Variants in MMUT observed in about 807,000 individuals in gnomAD.
MMUT encodes the protein methylmalonyl-CoA mutase, mitochondrial.
A neutral mutation model predicts 79.9 loss-of-function variants in MMUT; 79 were observed. The ratio of observed to expected loss-of-function variants is 0.99; its 90% CI spans 0.82 to 1.19. The LOEUF (loss-of-function observed/expected upper bound fraction) is 1.19. Ranked by LOEUF, MMUT falls within the 50% of genes most tolerant of loss-of-function variation. MMUT has a pLI of 0.00. For synonymous variants in MMUT, 273 were observed against 295.7 expected, an observed-to-expected ratio of 0.92 and a Z score of 0.79; for missense variants, 860 against 917.2, an observed-to-expected ratio of 0.94 and a Z score of 0.81.
intron 9 of MMUT, chr6:49,443,739 C>G (rs1157027311): frequency 2.4e-6 from 1 of 416,120 alleles, no homozygotes; most frequent in East Asian, 7.7e-5. Context: ...GATTTAATGT[C>G]TTCTCACAAA....
At chr6:49,443,078 CA>C (rs1767319553) in intron 9 of MMUT, among the ~76,000 whole-genome samples, 1 of 152,058 alleles carries the variant, frequency 6.6e-6, no homozygotes, top group Non-Finnish European at 1.5e-5. Flanking sequence ...CAAAAGTAAT[CA>C]TTTAATGATA....
At chr6:49,439,485 G>A (rs1016402919) in intron 11 of MMUT, among the ~76,000 whole-genome samples, 2 of 152,140 alleles carry the variant, frequency 1.3e-5, no homozygotes, top group Non-Finnish European at 2.9e-5. Context: ...AGAGTAGCTT[G>A]CACAGCAGCC....
At chr6:49,447,958 A>G (rs1271560296) in intron 7 of MMUT, among the ~76,000 whole-genome samples, 173 bp from the exon 8 acceptor site, 4 of 151,982 alleles carry the variant, frequency 2.6e-5, no homozygotes, top group Non-Finnish European at 5.9e-5. Flanking sequence ...GTGAGAGGAA[A>G]GTAGAGGTAT....
intron 6 of MMUT, among the ~76,000 whole-genome samples, chr6:49,449,960 C>T (rs936101163): frequency 6.6e-6 from 1 of 151,978 alleles, no homozygotes; most frequent in Non-Finnish European, 1.5e-5. Flanking sequence ...AGGCAGGGAG[C>T]AGTGGCTCAT....
rs779433573 is a variant in MMUT at position 49,457,706 on chromosome 6, A to T, written c.738T>A (p.Phe246Leu). The T allele has an allele frequency of 6.2e-7, 1 of 1,610,984 alleles. No homozygotes were observed. Among genetic ancestry groups the T allele is most frequent in the South Asian group, 1.1e-5 (1 of 90,632 alleles). Residue 246 changes from phenylalanine to leucine, a missense_variant, in exon 3 of 13, where the codon TTT becomes TTA. Coordinates refer to ENST00000274813, the MANE Select transcript of MMUT (RefSeq NM_000255.4). ...EPSMKIIADI[F>L]EYTAKHMPKF... ...CAAAGTATACCTTTGCTGTATATTC[A>T]AATATGTCAGCAATAATTTTCATGG...
chr6:49,448,228 A>T (rs904894105), intron 7 of MMUT, among the ~76,000 whole-genome samples: 1 of 152,072 alleles, frequency 6.6e-6, no homozygotes, highest in Admixed American at 6.6e-5. Context: ...TCCTTACATG[A>T]TAAAGAATAT....
Position 49,458,943 on chromosome 6 carries a change from T to A in MMUT, c.385+139A>T, listed in dbSNP as rs993849760. 1.5e-5 allele frequency: 13 copies of A among 864,356 alleles called. No individual in the cohort carries two copies. In the African/African-American group the frequency reaches 1.9e-4, roughly 13 times the overall value. 53.5% of individuals were successfully genotyped at this position (864,356 alleles called of 1,614,324 possible). On this transcript the variant is annotated intron_variant, in intron 2 of 12. Coordinates refer to ENST00000274813, the MANE Select transcript of MMUT (RefSeq NM_000255.4). Reference sequence around the variant, plus strand: ...TTTTTGACCACAGAAGTTAAAAAAATCCACTTTTTTCAGAGTATAGTCTTT... The same window carrying A: ...TTTTTGACCACAGAAGTTAAAAAAAACCACTTTTTTCAGAGTATAGTCTTT...
rs1767234724 is a variant in MMUT, at chr6:49,440,186, C to A, written c.1956+20G>T. ...TGACTAGTAAATACTTTTGAAATTC[C>A]CCCCAACAGTTTTTAGTACCTGGAA... On this transcript the variant is annotated intron_variant, in intron 11 of 12. Transcript: ENST00000274813. 6.2e-7 allele frequency: 1 copy of A among 1,613,568 alleles called. No homozygotes were observed. Among genetic ancestry groups the A allele is most frequent in the Non-Finnish European group, 8.5e-7 (1 of 1,179,638 alleles).
intron 3 of MMUT, among the ~76,000 whole-genome samples, chr6:49,456,638 T>C (rs1185781645): frequency 1.3e-5 from 2 of 152,168 alleles, no homozygotes; most frequent in Non-Finnish European, 2.9e-5. Flanking sequence ...GTTAATCTGC[T>C]TAAGATGTAT....
intron 6 of MMUT, among the ~76,000 whole-genome samples, chr6:49,450,215 G>GT (rs1200847062): frequency 1.4e-5 from 2 of 145,630 alleles, no homozygotes; most frequent in African/African-American, 5.1e-5. Flanking sequence ...TGGTGACAGA[G>GT]TAAGACTCTG....
chr6:49,457,494 A>G (rs1767718646), intron 3 of MMUT, among the ~76,000 whole-genome samples, 197 bp downstream of exon 3: 1 of 152,256 alleles, frequency 6.6e-6, no homozygotes, highest in African/African-American at 2.4e-5. Flanking sequence ...AAGAAAACAC[A>G]GTAAAGATCT....
chr6:49,438,024 A>G (rs1767177773), intron 11 of MMUT, among the ~76,000 whole-genome samples: 1 of 152,140 alleles, frequency 6.6e-6, no homozygotes, highest in Non-Finnish European at 1.5e-5. Flanking sequence ...CATACTATGT[A>G]CGAAATAGTA....
At position 49,456,235 on chromosome 6, in the gene MMUT, G is replaced by GT. The variant is rs751624492; in HGVS notation, c.755dup (p.His252GlnfsTer6). On this transcript the variant is annotated frameshift_variant and splice_region_variant, in exon 4 of 13. Coordinates refer to ENST00000274813, the MANE Select transcript of MMUT (RefSeq NM_000255.4). LOFTEE classifies it high-confidence loss of function. ...TTGAAATTGAATTAAATTTTGGCAT[G>GT]TGCTACATAAAAAAAAAAATTGTAA... 6.2e-7 allele frequency: 1 copy of GT among 1,604,302 alleles called. No homozygotes were observed. Among genetic ancestry groups the GT allele is most frequent in the East Asian group, 2.2e-5 (1 of 44,756 alleles).
chr6:49,452,484 C>T lies in MMUT; in HGVS notation c.1084-770G>A, dbSNP rs572067421. ...AGTAGCTGGGACTATAGGTGCCTGC[C>T]AACACACCTGGCTAATTTTTTTGTA... On this transcript the variant is annotated intron_variant, in intron 5 of 12. Transcript: ENST00000274813. Among the ~76,000 whole-genome samples, 4 of 152,172 alleles carry T rather than the reference C, an allele frequency of 2.6e-5. No homozygotes were observed. The South Asian group carries it at 6.2e-4, about 24-fold the overall frequency.
intron 1 of MMUT, 86 bp from the exon 2 acceptor site, chr6:49,459,591 A>G: frequency 9.7e-7 from 1 of 1,034,328 alleles, no homozygotes. Context: ...GAAAAGAAAG[A>G]GGATGTATTA....
rs779436906 is a variant in MMUT at position 49,430,684 on chromosome 6, A to T, written c.*1044T>A. 36 of 152,206 alleles carry T rather than the reference A, an allele frequency of 2.4e-4. No individual in the cohort carries two copies. Among genetic ancestry groups the T allele is most frequent in the Non-Finnish European group, 3.7e-4 (25 of 68,032 alleles). The allele number at this position is 152,206 out of a possible 1,614,324, so 9.4% of individuals were successfully genotyped here. A position where few individuals can be genotyped will look rare whatever the true frequency, so the allele number is the denominator to read the frequency against. ...ATACAATAGAAATTTATTAAAAAAGATAATTATTTATGTTATATTCATGTA... is the reference window on the plus strand; with the variant it reads ...ATACAATAGAAATTTATTAAAAAAGTTAATTATTTATGTTATATTCATGTA... On this transcript the variant is annotated 3_prime_UTR_variant, in exon 13 of 13. Coordinates refer to ENST00000274813, the MANE Select transcript of MMUT (RefSeq NM_000255.4).
Position 49,453,709 on chromosome 6 carries a change from G to A in MMUT, c.959C>T (p.Ala320Val), listed in dbSNP as rs1581832011. Reference protein sequence around the residue: ...GIGMNFYMEIAKMRAGRRLWA... With the variant: ...GIGMNFYMEIVKMRAGRRLWA... ...GAGTCTTCTACCAGCTCTCATCTTTGCTATTTCCATATAGAAATTCATTCC... is the reference window on the plus strand; with the variant it reads ...GAGTCTTCTACCAGCTCTCATCTTTACTATTTCCATATAGAAATTCATTCC... The change falls in exon 5 of 13, where the codon GCA (alanine) becomes GTA (valine). Residue 320 changes from alanine (A) to valine (V), a missense_variant. Ala to Val is a moderately conservative substitution (Grantham distance 64). Transcript: ENST00000274813. 1.2e-6 allele frequency: 2 copies of A among 1,613,174 alleles called. No homozygotes were observed. Among genetic ancestry groups the A allele is most frequent in the Non-Finnish European group, 8.5e-7 (1 of 1,179,500 alleles).
intron 9 of MMUT, chr6:49,443,797 G>C (rs529677399): frequency 9.2e-6 from 4 of 436,372 alleles, no homozygotes; most frequent in East Asian, 7.5e-5. Context: ...GCCAAATATC[G>C]TGTCTATGGG....
intron 10 of MMUT, among the ~76,000 whole-genome samples, 174 bp downstream of exon 10, chr6:49,441,662 TTATA>T (rs929799138): frequency 1.3e-5 from 2 of 148,674 alleles, no homozygotes; most frequent in African/African-American, 2.4e-5. Flanking sequence ...AATGAATAAA[TTATA>T]TACTCTATTA....
Sources: allele counts gnomAD v4.1 joint callset (sites outside exome capture counted in the v4.1 genomes callset), GRCh38; gene constraint gnomAD v4.1.1; transcripts MANE v1.5; gene names NCBI Gene and HGNC (gene_info 2026-07-23, HGNC 2026-07-21).